Variants in FAM110B observed in about 807,000 individuals in gnomAD.
The protein encoded by FAM110B is family with sequence similarity 110 member B.
In FAM110B, 6 loss-of-function variants were observed where a neutral mutation model predicts 20.4. The ratio of observed to expected loss-of-function variants is 0.29; its 90% CI spans 0.16 to 0.58. The LOEUF is 0.58. Ranked by LOEUF, FAM110B falls within the 20% of genes least tolerant of loss-of-function variation. FAM110B has a pLI of 0.90. For missense variants in FAM110B, 434 were observed against 498.2 expected (o/e 0.87, Z 1.23); for synonymous variants, 226 against 214.1 (o/e 1.06, Z -0.49).
chr8:58,080,698 G>T (rs1434383597), intron 3 of FAM110B, among the ~76,000 whole-genome samples: 5 of 152,144 alleles, frequency 3.3e-5, no homozygotes. Context: ...TTCAATTCTG[G>T]TATCATGTGT....
At chr8:58,093,808 G>A (rs1194643259) in intron 3 of FAM110B, among the ~76,000 whole-genome samples, 2 of 152,128 alleles carry the variant, frequency 1.3e-5, no homozygotes, top group African/African-American at 2.4e-5. Flanking sequence ...GCTTGATGGG[G>A]ATAGCATTGA....
At chr8:58,133,147 T>A (rs1223391532) in intron 3 of FAM110B, among the ~76,000 whole-genome samples, 1 of 152,022 alleles carries the variant, frequency 6.6e-6, no homozygotes, top group Admixed American at 6.6e-5. Flanking sequence ...AGATTACTTT[T>A]AATGTTGGTT....
chr8:58,003,652 CA>C (rs1036964771), intron 1 of FAM110B, among the ~76,000 whole-genome samples: 1 of 152,146 alleles, frequency 6.6e-6, no homozygotes, highest in Non-Finnish European at 1.5e-5. Flanking sequence ...TTTGGGTGAC[CA>C]GGGGCATTGT....
chr8:58,107,483 G>A lies in FAM110B; in HGVS notation c.-325+31860G>A, dbSNP rs921677288. ...ATGAGAAATACAGTCTTGTTTGCTC[G>A]TTTAAGTCAACAAGCTGTGGGATTT... On this transcript the variant is annotated intron_variant, in intron 3 of 3. Coordinates refer to ENST00000519262, the MANE Select transcript of FAM110B (RefSeq NM_001377989.1). 3.9e-5 allele frequency among the ~76,000 whole-genome samples: 6 copies of A among 152,148 alleles called. No homozygotes were observed. In the East Asian group the frequency reaches 5.8e-4, roughly 15 times the overall value.
chr8:58,116,968 T>C (rs1024606844), intron 3 of FAM110B, among the ~76,000 whole-genome samples: 1 of 152,184 alleles, frequency 6.6e-6, no homozygotes, highest in African/African-American at 2.4e-5. Flanking sequence ...TTCAGGAGTA[T>C]AAGCCTAGCT....
chr8:58,084,065 A>G (rs1052449048), intron 3 of FAM110B, among the ~76,000 whole-genome samples: 2 of 152,172 alleles, frequency 1.3e-5, no homozygotes, highest in African/African-American at 4.8e-5. Flanking sequence ...AAACTAGCTC[A>G]CCATATTAGT....
intron 1 of FAM110B, among the ~76,000 whole-genome samples, chr8:58,027,651 C>T (rs149066895): frequency 1.3e-5 from 2 of 152,286 alleles, no homozygotes; most frequent in East Asian, 1.9e-4. Flanking sequence ...CTTTCTATTG[C>T]TCCAGTTTGC....
intron 3 of FAM110B, among the ~76,000 whole-genome samples, chr8:58,127,716 A>G (rs1807544978): frequency 6.6e-6 from 1 of 152,212 alleles, no homozygotes; most frequent in Non-Finnish European, 1.5e-5. Context: ...TTGGCTCAAA[A>G]AAAATGTAAT....
chr8:58,100,141 C>G (rs1170293726), intron 3 of FAM110B, among the ~76,000 whole-genome samples: 1 of 151,972 alleles, frequency 6.6e-6, no homozygotes, highest in Admixed American at 6.6e-5. Context: ...ACTGTAAACT[C>G]TGGTCTCCTG....
intron 3 of FAM110B, among the ~76,000 whole-genome samples, chr8:58,102,300 ATTT>A: frequency 6.6e-6 from 1 of 152,130 alleles, no homozygotes; most frequent in African/African-American, 2.4e-5. Flanking sequence ...CCAAACCTTA[ATTT>A]ATTTCTGTTT....
rs551118123 is a variant in FAM110B, at chr8:58,074,079, C to A, written c.-413-1456C>A. On this transcript the variant is annotated intron_variant, in intron 2 of 3. Coordinates refer to ENST00000519262, the MANE Select transcript of FAM110B (RefSeq NM_001377989.1). ...ACTTTTTCAAACCCTGTAAAATGCGCAGGCTTTACTTTTCCCACCCTCCGG... is the reference window on the plus strand; with the variant it reads ...ACTTTTTCAAACCCTGTAAAATGCGAAGGCTTTACTTTTCCCACCCTCCGG... 2.0e-5 allele frequency among the ~76,000 whole-genome samples: 3 copies of A among 152,158 alleles called. No individual in the cohort carries two copies. The East Asian group carries it at 5.8e-4, about 29-fold the overall frequency.
chr8:58,135,885 T>G (rs1387273184), intron 3 of FAM110B, among the ~76,000 whole-genome samples: 1 of 152,162 alleles, frequency 6.6e-6, no homozygotes, highest in Non-Finnish European at 1.5e-5. Context: ...CTGCAGGAGT[T>G]ACTACCAGAG....
At chr8:58,135,801 A>G (rs1803596383) in intron 3 of FAM110B, among the ~76,000 whole-genome samples, 1 of 152,122 alleles carries the variant, frequency 6.6e-6, no homozygotes, top group East Asian at 1.9e-4. Flanking sequence ...TCCTCTATAC[A>G]AGGGGATCAG....
intron 2 of FAM110B, among the ~76,000 whole-genome samples, chr8:58,066,637 T>C (rs928344288): frequency 6.6e-6 from 1 of 152,146 alleles, no homozygotes; most frequent in Non-Finnish European, 1.5e-5. Flanking sequence ...GTCTTGCCCC[T>C]GGTAGCCAGA....
intron 1 of FAM110B, among the ~76,000 whole-genome samples, chr8:58,007,587 T>A (rs1199126182): frequency 2.0e-5 from 3 of 152,216 alleles, no homozygotes; most frequent in Admixed American, 2.0e-4. Context: ...GATTAGATGA[T>A]GAGGGTGGAG....
intron 3 of FAM110B, among the ~76,000 whole-genome samples, chr8:58,134,063 T>TA (rs753849761): frequency 4.6e-5 from 7 of 151,852 alleles, no homozygotes; most frequent in South Asian, 2.1e-4. Context: ...TCTATCGTCT[T>TA]ACGTGTCTTA....
intron 3 of FAM110B, among the ~76,000 whole-genome samples, chr8:58,088,431 C>T (rs866461765): frequency 2.0e-5 from 3 of 152,148 alleles, no homozygotes; most frequent in Admixed American, 6.6e-5. Flanking sequence ...ATTCTGAATT[C>T]AACGAAATGT....
chr8:58,106,259 C>A (rs1388487161), intron 3 of FAM110B: 4 of 152,194 alleles, frequency 2.6e-5, no homozygotes, highest in African/African-American at 9.7e-5. Flanking sequence ...AGGTGCTCAT[C>A]ATGATCAATG....
At chr8:58,121,830 G>A (rs1807368444) in intron 3 of FAM110B, among the ~76,000 whole-genome samples, 1 of 152,092 alleles carries the variant, frequency 6.6e-6, no homozygotes, top group Admixed American at 6.6e-5. Flanking sequence ...CTATTCCAGG[G>A]TCATTTCAGG....
Sources: gnomAD v4.1 joint callset for allele counts (sites outside exome capture counted in the v4.1 genomes callset) on GRCh38, gnomAD v4.1.1 for gene constraint, MANE v1.5 for transcripts, NCBI Gene and HGNC (gene_info 2026-07-23, HGNC 2026-07-21) for gene names.